The following DNAJC5B variants were observed in gnomAD, a reference collection of about 807,000 sequenced individuals.
DNAJC5B encodes DnaJ heat shock protein family (Hsp40) member C5 beta.
Under a neutral mutation model 24.7 loss-of-function variants are expected in DNAJC5B, and 23 were observed. That is an observed-to-expected ratio of 0.93 (90% CI 0.67 to 1.32). DNAJC5B has a LOEUF of 1.32. Among genes scored for constraint, DNAJC5B ranks in the 40% most tolerant of loss-of-function variants. The pLI is 0.00. For missense variants in DNAJC5B, 238 were observed against 240.8 expected (o/e 0.99, Z 0.08); for synonymous variants, 101 against 90.1 (o/e 1.12, Z -0.68).
intron 3 of DNAJC5B, among the ~76,000 whole-genome samples, chr8:66,065,831 T>TAAGG (rs1304100195): frequency 6.6e-6 from 1 of 152,072 alleles, no homozygotes; most frequent in East Asian, 1.9e-4. Flanking sequence ...AGGGAACTTC[T>TAAGG]AAGGAAGAGG....
chr8:66,050,955 G>C (rs1167244222), intron 2 of DNAJC5B, among the ~76,000 whole-genome samples: 1 of 152,136 alleles, frequency 6.6e-6, no homozygotes, highest in Non-Finnish European at 1.5e-5. Flanking sequence ...TTCTCATTTT[G>C]TTGTGTGGTG....
intron 1 of DNAJC5B, among the ~76,000 whole-genome samples, chr8:66,039,346 CTTTTTTT>C (rs59355860): frequency 1.3e-4 from 17 of 130,588 alleles, no homozygotes; most frequent in South Asian, 4.9e-4. Flanking sequence ...CCACTTCATA[CTTTTTTT>C]TTTTTTTTTT....
chr8:66,080,839 G>A (rs1168368866), intron 5 of DNAJC5B, among the ~76,000 whole-genome samples: 1 of 152,154 alleles, frequency 6.6e-6, no homozygotes, highest in African/African-American at 2.4e-5. Context: ...AGTGAGCACT[G>A]GATTCAGGGA....
chr8:66,051,258 T>C (rs1178222570), intron 2 of DNAJC5B, among the ~76,000 whole-genome samples: 2 of 152,194 alleles, frequency 1.3e-5, no homozygotes, highest in African/African-American at 4.8e-5. Context: ...TTCTCAACAA[T>C]TCTGAATTCA....
chr8:66,060,507 G>A (rs537584451), intron 3 of DNAJC5B, among the ~76,000 whole-genome samples: 1 of 152,324 alleles, frequency 6.6e-6, no homozygotes, highest in Admixed American at 6.5e-5. Flanking sequence ...GGGCGACAAT[G>A]ACTCAAAGAG....
intron 3 of DNAJC5B, among the ~76,000 whole-genome samples, chr8:66,062,036 C>T (rs1807094546): frequency 6.6e-6 from 1 of 152,248 alleles, no homozygotes; most frequent in African/African-American, 2.4e-5. Flanking sequence ...GCACTGCAGC[C>T]TCACAGACAG....
chr8:66,096,037 T>C (rs1224399868), intron 5 of DNAJC5B, among the ~76,000 whole-genome samples: 2 of 152,194 alleles, frequency 1.3e-5, no homozygotes, highest in African/African-American at 4.8e-5. Flanking sequence ...TATATATTAG[T>C]TTGCTAAGGC....
intron 3 of DNAJC5B, chr8:66,057,914 G>C (rs1807000843): frequency 6.6e-6 from 1 of 152,216 alleles, no homozygotes; most frequent in African/African-American, 2.4e-5. Flanking sequence ...CTTAAAGAAT[G>C]GCTAAAGGAA....
intron 3 of DNAJC5B, among the ~76,000 whole-genome samples, chr8:66,054,406 T>G (rs1806918972): frequency 6.6e-6 from 1 of 152,230 alleles, no homozygotes; most frequent in African/African-American, 2.4e-5. Context: ...TTTATGATTT[T>G]GCTTTGACAC....
chr8:66,093,750 C>T (rs2128966917), intron 5 of DNAJC5B, among the ~76,000 whole-genome samples: 1 of 152,160 alleles, frequency 6.6e-6, no homozygotes, highest in East Asian at 1.9e-4. Context: ...TCAGTCTTTG[C>T]CTTTACGTTT....
At chr8:66,095,555 T>G (rs1453561676) in intron 5 of DNAJC5B, among the ~76,000 whole-genome samples, 1 of 151,830 alleles carries the variant, frequency 6.6e-6, no homozygotes, top group Non-Finnish European at 1.5e-5. Flanking sequence ...ATTTTCTAAC[T>G]TCTTAATTTT....
chr8:66,021,173 C>T (rs1806112412), upstream of DNAJC5B, among the ~76,000 whole-genome samples: 1 of 152,066 alleles, frequency 6.6e-6, no homozygotes. Context: ...CAAATGGTCT[C>T]TTGTTGTGGG....
intron 3 of DNAJC5B, chr8:66,057,848 G>A (rs191980660): frequency 3.4e-4 from 52 of 152,276 alleles, no homozygotes; most frequent in African/African-American, 1.2e-3. Flanking sequence ...GAGTGAATGG[G>A]GAAATACGTT....
intron 4 of DNAJC5B, among the ~76,000 whole-genome samples, chr8:66,077,891 T>C (rs1214904782): frequency 6.6e-6 from 1 of 152,248 alleles, no homozygotes; most frequent in Admixed American, 6.5e-5. Flanking sequence ...TGAAACCCCT[T>C]TCTCTGTTGT....
At chr8:66,044,581 T>C (rs1439940167) in intron 2 of DNAJC5B, among the ~76,000 whole-genome samples, 2 of 152,186 alleles carry the variant, frequency 1.3e-5, no homozygotes, top group African/African-American at 2.4e-5. Context: ...TCAGTGCCTA[T>C]TGTCATTGGG....
intron 5 of DNAJC5B, among the ~76,000 whole-genome samples, chr8:66,095,853 G>T (rs1384768290): frequency 6.6e-6 from 1 of 152,056 alleles, no homozygotes; most frequent in Non-Finnish European, 1.5e-5. Flanking sequence ...ACTGCTCTGT[G>T]ATCAGAAAAT....
chr8:66,051,559 C>G lies in DNAJC5B; in HGVS notation c.12C>G (p.Asn4Lys). Residue 4 changes from asparagine to lysine, a missense_variant, in exon 3 of 6, where the codon AAC becomes AAG. Asn to Lys is a moderately conservative substitution (Grantham distance 94, BLOSUM62 0). Coordinates refer to ENST00000276570, the MANE Select transcript of DNAJC5B (RefSeq NM_033105.6). The stretch of plus-strand genomic sequence containing the variant: ...TGCAGCCTTAGAAAATGGCATGTAA[C>G]ATACCTAACCAAAGACAGCGGACTC... MAC[N>K]IPNQRQRTLS... The G allele has an allele frequency of 6.2e-7, 1 of 1,613,668 alleles. No homozygotes were observed. The highest frequency in any genetic ancestry group is 1.3e-5 in the African/African-American group (1 of 75,010).
At chr8:66,020,733 GT>G (rs1472002317), upstream of DNAJC5B, among the ~76,000 whole-genome samples, 1 of 151,894 alleles carries the variant, frequency 6.6e-6, no homozygotes, top group African/African-American at 2.4e-5. Context: ...GATATCTTGG[GT>G]TTAAGCGATC....
chr8:66,070,396 G>A (rs770624467), intron 3 of DNAJC5B, among the ~76,000 whole-genome samples: 3 of 152,146 alleles, frequency 2.0e-5, no homozygotes, highest in Non-Finnish European at 4.4e-5. Flanking sequence ...AAAATCACAA[G>A]CATTCCTATA....
Sources: gnomAD v4.1 joint callset for allele counts (sites outside exome capture counted in the v4.1 genomes callset) on GRCh38, gnomAD v4.1.1 for gene constraint, MANE v1.5 for transcripts, NCBI Gene and HGNC (gene_info 2026-07-23, HGNC 2026-07-21) for gene names.